The following LSAMP variants were observed in gnomAD, a reference collection of about 807,000 sequenced individuals.
LSAMP encodes the protein limbic system-associated membrane protein.
Under a neutral mutation model 38.6 loss-of-function variants are expected in LSAMP, and 7 were observed. That is an observed-to-expected ratio of 0.18 (90% CI 0.10 to 0.34). The LOEUF is 0.34. LSAMP is among the 10% of genes least tolerant of loss of function. The pLI, the probability that LSAMP is intolerant of heterozygous loss-of-function variation, is 1.00. For synonymous variants in LSAMP, 154 were observed against 166.8 expected (o/e 0.92, Z 0.59); for missense variants, 313 against 420.0 (o/e 0.75, Z 2.23).
chr3:115,820,583 C>T (rs1934198646), intron 6 of LSAMP, among the ~76,000 whole-genome samples: 1 of 152,060 alleles, frequency 6.6e-6, no homozygotes, highest in South Asian at 2.1e-4. Context: ...TTCATTACAC[C>T]CAGCCACATT....
intron 3 of LSAMP, among the ~76,000 whole-genome samples, chr3:115,984,823 G>A (rs557939619): frequency 1.3e-5 from 2 of 152,254 alleles, no homozygotes; most frequent in South Asian, 4.2e-4. Flanking sequence ...GTGACATCAG[G>A]GTTCTATATA....
chr3:115,886,102 A>G (rs1221243106), intron 3 of LSAMP, among the ~76,000 whole-genome samples: 2 of 151,960 alleles, frequency 1.3e-5, no homozygotes, highest in Non-Finnish European at 2.9e-5. Flanking sequence ...AGCTCAAAAA[A>G]AGAGAAAGAA....
intron 3 of LSAMP, among the ~76,000 whole-genome samples, chr3:115,869,406 C>T (rs963462471): frequency 6.6e-6 from 1 of 152,046 alleles, no homozygotes. Context: ...AAACATAATA[C>T]ATAATTTAAC....
chr3:116,132,434 C>T (rs1709155226), intron 1 of LSAMP, among the ~76,000 whole-genome samples: 1 of 104,876 alleles, frequency 9.5e-6, no homozygotes, highest in Non-Finnish European at 2.3e-5. Context: ...CCTCCCACTG[C>T]TCCACCCCTG....
At chr3:116,105,502 A>G (rs190690850) in intron 1 of LSAMP, among the ~76,000 whole-genome samples, 711 of 152,116 alleles carry the variant, frequency 4.7e-3, no homozygotes, top group African/African-American at 0.012. Context: ...TAGGATTTGG[A>G]AAGGTAATGG....
At chr3:116,014,481 TA>T (rs1576307902) in intron 3 of LSAMP, among the ~76,000 whole-genome samples, 1 of 151,998 alleles carries the variant, frequency 6.6e-6, no homozygotes, top group African/African-American at 2.4e-5. Flanking sequence ...AAATAAAAAA[TA>T]AAAATATTGA....
At chr3:115,967,921 AC>A (rs1315918765) in intron 3 of LSAMP, among the ~76,000 whole-genome samples, 1 of 152,074 alleles carries the variant, frequency 6.6e-6, no homozygotes, top group East Asian at 1.9e-4. Context: ...ACAGAGCCAA[AC>A]CACATCACCT....
chr3:116,385,323 GT>G (rs2048611870), intron 1 of LSAMP, among the ~76,000 whole-genome samples: 1 of 152,152 alleles, frequency 6.6e-6, no homozygotes. Flanking sequence ...GCTTTAAAGT[GT>G]TATGATTCTA....
intron 3 of LSAMP, among the ~76,000 whole-genome samples, chr3:115,976,767 T>G (rs1257242201): frequency 1.3e-5 from 2 of 152,144 alleles, no homozygotes; most frequent in East Asian, 3.9e-4. Flanking sequence ...TTTAAAGGTG[T>G]GCGGCCCCTC....
chr3:116,374,801 C>T (rs963344984), intron 1 of LSAMP, among the ~76,000 whole-genome samples: 4 of 151,914 alleles, frequency 2.6e-5, no homozygotes, highest in African/African-American at 9.6e-5. Flanking sequence ...TGCAACTGAC[C>T]CTAGACTCAA....
chr3:116,219,643 T>C (rs1462590500), intron 1 of LSAMP, among the ~76,000 whole-genome samples: 1 of 152,190 alleles, frequency 6.6e-6, no homozygotes, highest in African/African-American at 2.4e-5. Context: ...AAAAACCTTC[T>C]GCACAGCAAA....
At chr3:116,276,787 A>G (rs2047060027) in intron 1 of LSAMP, among the ~76,000 whole-genome samples, 1 of 152,180 alleles carries the variant, frequency 6.6e-6, no homozygotes, top group Admixed American at 6.5e-5. Context: ...GCCCAACCAC[A>G]TGGGGCTGGC....
intron 1 of LSAMP, among the ~76,000 whole-genome samples, chr3:116,389,684 T>C (rs1282994873): frequency 6.6e-6 from 1 of 152,188 alleles, no homozygotes; most frequent in Non-Finnish European, 1.5e-5. Context: ...CATGCAAGAA[T>C]GAATGCCCAT....
At chr3:116,157,577 ATAAG>A (rs1194976293) in intron 1 of LSAMP, among the ~76,000 whole-genome samples, 2 of 152,198 alleles carry the variant, frequency 1.3e-5, no homozygotes, top group Non-Finnish European at 2.9e-5. Flanking sequence ...TAAAACAGAA[ATAAG>A]TAAGGAAAGA....
At chr3:116,344,609 C>T (rs896423143) in intron 1 of LSAMP, among the ~76,000 whole-genome samples, 8 of 152,080 alleles carry the variant, frequency 5.3e-5, no homozygotes, top group African/African-American at 9.7e-5. Flanking sequence ...GGTGCCAACA[C>T]GTAAAAATCA....
At chr3:116,312,397 C>A (rs1409772136) in intron 1 of LSAMP, among the ~76,000 whole-genome samples, 1 of 152,136 alleles carries the variant, frequency 6.6e-6, no homozygotes, top group Non-Finnish European at 1.5e-5. Context: ...TTCTAAGATT[C>A]ATTCTGAGCA....
At chr3:115,949,389 G>GTT (rs1356150069) in intron 3 of LSAMP, among the ~76,000 whole-genome samples, 2 of 148,242 alleles carry the variant, frequency 1.3e-5, no homozygotes, top group Non-Finnish European at 3.0e-5. Flanking sequence ...CTTAAAAATA[G>GTT]TTTTTTTGTT....
At chr3:116,370,852 A>C (rs536512455) in intron 1 of LSAMP, among the ~76,000 whole-genome samples, 1 of 152,298 alleles carries the variant, frequency 6.6e-6, no homozygotes, top group East Asian at 1.9e-4. Flanking sequence ...CTAAGAAAAA[A>C]CAGAGAAAAC....
chr3:116,179,242 A>C (rs1710427539), intron 1 of LSAMP, among the ~76,000 whole-genome samples: 1 of 152,170 alleles, frequency 6.6e-6, no homozygotes, highest in Non-Finnish European at 1.5e-5. Context: ...AGACATCTGG[A>C]AACAGTTTCA....
Sources: allele counts gnomAD v4.1 joint callset (sites outside exome capture counted in the v4.1 genomes callset), GRCh38; gene constraint gnomAD v4.1.1; transcripts MANE v1.5; gene names NCBI Gene and HGNC (gene_info 2026-07-23, HGNC 2026-07-21).